Variants in CNTNAP2 observed in about 807,000 individuals in gnomAD.
CNTNAP2 encodes contactin associated protein 2.
CNTNAP2 carries 98 observed loss-of-function variants against 155.2 expected under a neutral mutation model. The ratio of observed to expected loss-of-function variants is 0.63; its 90% CI spans 0.54 to 0.75. The LOEUF is 0.75. Among genes scored for constraint, CNTNAP2 ranks in the 30% least tolerant of loss-of-function variants. CNTNAP2 has a pLI of 0.00. For missense variants in CNTNAP2, 1,727 were observed against 1,688.1 expected (o/e 1.02, Z -0.40); for synonymous variants, 651 against 631.2 (o/e 1.03, Z -0.47).
chr7:146,305,723 A>C (rs985050026), intron 1 of CNTNAP2, among the ~76,000 whole-genome samples: 1 of 152,164 alleles, frequency 6.6e-6, no homozygotes, highest in African/African-American at 2.4e-5. Context: ...AACATACCAG[A>C]ATCTCTGGGA....
At chr7:148,063,860 C>G (rs1803205215) in intron 15 of CNTNAP2, among the ~76,000 whole-genome samples, 2 of 151,978 alleles carry the variant, frequency 1.3e-5, no homozygotes. Flanking sequence ...TTTAGGATTT[C>G]AGGTCTTAGA....
At chr7:148,321,869 G>C (rs1179819269) in intron 21 of CNTNAP2, among the ~76,000 whole-genome samples, 1 of 151,748 alleles carries the variant, frequency 6.6e-6, no homozygotes, top group East Asian at 1.9e-4. Context: ...AAGAATTCTA[G>C]CTGAGGTTCT....
intron 8 of CNTNAP2, among the ~76,000 whole-genome samples, chr7:147,255,900 G>T (rs1338595628): frequency 6.6e-6 from 1 of 151,782 alleles, no homozygotes; most frequent in African/African-American, 2.4e-5. Flanking sequence ...ACCCTGCCCA[G>T]CTAACTTTTT....
Position 146,615,306 on chromosome 7 carries a change from T to C in CNTNAP2, c.98-158965T>C, listed in dbSNP as rs995794685. 4.7e-4 allele frequency among the ~76,000 whole-genome samples: 72 copies of C among 152,152 alleles called. 1 individual carries two copies. The highest frequency in any genetic ancestry group is 8.8e-5 in the Non-Finnish European group (6 of 68,032). ...ACAAGTTACTTGAAAGTCTAGAAAA[T>C]TCAGTTCTGAGTCTTGCCAGTTATG... On this transcript the variant is annotated intron_variant, in intron 1 of 23. Transcript: ENST00000361727.
intron 11 of CNTNAP2, among the ~76,000 whole-genome samples, chr7:147,544,673 A>T (rs1799699966): frequency 6.6e-6 from 1 of 151,972 alleles, no homozygotes; most frequent in Non-Finnish European, 1.5e-5. Context: ...GTGCCCACCC[A>T]AATCTCATCT....
At position 146,425,540 on chromosome 7, in the gene CNTNAP2, T is replaced by G. The variant is rs987653301; in HGVS notation, c.97+308567T>G. On this transcript the variant is annotated intron_variant, in intron 1 of 23. Transcript: ENST00000361727. ...ATGTATTTTAGTACATCAATAATTA[T>G]TTTTTGCAGAGTGAGAAATTCAGGA... Among the ~76,000 whole-genome samples the G allele has an allele frequency of 2.0e-5, 3 of 152,190 alleles. No individual in the cohort carries two copies. The East Asian group carries it at 5.8e-4, about 29-fold the overall frequency.
chr7:147,783,197 G>GGAATACATACAATT (rs1256200340), intron 13 of CNTNAP2, among the ~76,000 whole-genome samples: 1 of 152,124 alleles, frequency 6.6e-6, no homozygotes, highest in African/African-American at 2.4e-5. Context: ...GTATGTTTTA[G>GGAATACATACAATT]GTAAGTTGGG....
chr7:146,891,121 A>T (rs1352195435), intron 3 of CNTNAP2, among the ~76,000 whole-genome samples: 1 of 152,220 alleles, frequency 6.6e-6, no homozygotes, highest in Admixed American at 6.6e-5. Context: ...AGAGGCCATT[A>T]TCCTAAGTGA....
At chr7:147,924,882 C>A (rs1248747797) in intron 14 of CNTNAP2, among the ~76,000 whole-genome samples, 1 of 151,894 alleles carries the variant, frequency 6.6e-6, no homozygotes, top group Non-Finnish European at 1.5e-5. Context: ...CTTTGGGAGG[C>A]CTAGGCGGGC....
At chr7:147,129,743 G>C (rs768431923) in intron 7 of CNTNAP2, among the ~76,000 whole-genome samples, 12 of 152,116 alleles carry the variant, frequency 7.9e-5, no homozygotes, top group African/African-American at 1.2e-4. Context: ...TTCATAAAAT[G>C]ATTTGACAAA....
intron 15 of CNTNAP2, among the ~76,000 whole-genome samples, chr7:148,061,908 T>TAGATAGAC (rs1803143958): frequency 8.5e-6 from 1 of 117,348 alleles, no homozygotes; most frequent in Non-Finnish European, 1.8e-5. Flanking sequence ...GATAGATAGA[T>TAGATAGAC]AGATAAACAG....
chr7:146,824,112 C>G (rs550849876), intron 2 of CNTNAP2, among the ~76,000 whole-genome samples: 87 of 152,208 alleles, frequency 5.7e-4, no homozygotes, highest in African/African-American at 1.8e-3. Context: ...TTTCAGCTCC[C>G]ACTTATGAGT....
chr7:147,250,326 C>T (rs1804168701), intron 8 of CNTNAP2, among the ~76,000 whole-genome samples: 2 of 151,932 alleles, frequency 1.3e-5, no homozygotes, highest in Non-Finnish European at 2.9e-5. Flanking sequence ...GAGAACCTGC[C>T]CCTTTTTGGA....
chr7:147,812,017 TA>T (rs1798187244), intron 13 of CNTNAP2, among the ~76,000 whole-genome samples: 1 of 152,144 alleles, frequency 6.6e-6, no homozygotes, highest in Non-Finnish European at 1.5e-5. Context: ...ATAGCAATGT[TA>T]GGGGCGAAGG....
At chr7:147,148,785 G>A (rs1213391734) in intron 8 of CNTNAP2, among the ~76,000 whole-genome samples, 5 of 152,180 alleles carry the variant, frequency 3.3e-5, no homozygotes. Flanking sequence ...TGGTCTCACT[G>A]ACTTCGGGAG....
chr7:146,244,391 T>G (rs1799612065), intron 1 of CNTNAP2, among the ~76,000 whole-genome samples: 2 of 151,652 alleles, frequency 1.3e-5, no homozygotes, highest in South Asian at 2.1e-4. Flanking sequence ...AATGACAAGT[T>G]TTTTGGGGGC....
chr7:148,147,470 T>C, intron 16 of CNTNAP2, 21 bp from the exon 17 acceptor site: 1 of 1,610,694 alleles, frequency 6.2e-7, no homozygotes, highest in Non-Finnish European at 8.5e-7. Context: ...CTCATGTTTT[T>C]CATGCTTTCT....
intron 1 of CNTNAP2, among the ~76,000 whole-genome samples, chr7:146,248,743 G>C (rs1477804691): frequency 1.3e-5 from 2 of 152,116 alleles, no homozygotes; most frequent in Non-Finnish European, 2.9e-5. Context: ...TCTTTCTCAC[G>C]AGCAAAGAAC....
intron 1 of CNTNAP2, among the ~76,000 whole-genome samples, chr7:146,648,208 T>C (rs1799848171): frequency 6.6e-6 from 1 of 152,206 alleles, no homozygotes; most frequent in African/African-American, 2.4e-5. Context: ...GTAGATGTTG[T>C]GTTTTAAATA....
Sources: gnomAD v4.1 joint callset for allele counts (sites outside exome capture counted in the v4.1 genomes callset) on GRCh38, gnomAD v4.1.1 for gene constraint, MANE v1.5 for transcripts, NCBI Gene and HGNC (gene_info 2026-07-23, HGNC 2026-07-21) for gene names.